WHAMM: variants seen among roughly 807,000 people sequenced by gnomAD.
WHAMM encodes WASP homolog associated with actin, golgi membranes and microtubules.
A neutral mutation model predicts 76.5 loss-of-function variants in WHAMM; 67 were observed. The ratio of observed to expected loss-of-function variants is 0.88; its 90% CI spans 0.72 to 1.07. The LOEUF is 1.07. Among genes scored for constraint, WHAMM ranks in the 50% least tolerant of loss-of-function variants. The pLI is 0.00. For synonymous variants in WHAMM, 419 were observed against 422.1 expected (o/e 0.99, Z 0.09); for missense variants, 1,021 against 1,051.1 (o/e 0.97, Z 0.40).
intron 3 of WHAMM, among the ~76,000 whole-genome samples, chr15:82,817,358 GT>G (rs1318698164): frequency 5.3e-5 from 8 of 152,218 alleles, no homozygotes; most frequent in African/African-American, 1.9e-4. Flanking sequence ...ACAGGCAGGG[GT>G]CAGACCATGC....
chr15:82,823,313 T>C (rs1445150333), intron 6 of WHAMM, 26 bp downstream of exon 6: 1 of 1,369,708 alleles, frequency 7.3e-7, no homozygotes, highest in Non-Finnish European at 9.5e-7. Context: ...GCGGCTTTCT[T>C]TTCTTTTCTC....
chr15:82,810,095 G>T lies in WHAMM; in HGVS notation c.369G>T (p.Gly123=). Residue 123 remains glycine, a synonymous_variant, in exon 1 of 10, where the codon GGG becomes GGT. Transcript: ENST00000286760. ...GCGGCGGCGGGGCCTGGGGTCTGGG[G>T]CTCGGGCTGTGGGCGCTGCTGTGGC... ...DVGGGGAWGL[G]LGLWALLWPT... The T allele has an allele frequency of 7.8e-7, 1 of 1,277,508 alleles. No individual in the cohort carries two copies. The highest frequency in any genetic ancestry group is 1.6e-5 in the African/African-American group (1 of 63,678). 79.1% of individuals were successfully genotyped at this position (1,277,508 alleles called of 1,614,324 possible). A position where few individuals can be genotyped will look rare whatever the true frequency, so the allele number is the denominator to read the frequency against.
At position 82,810,111 on chromosome 15, in the gene WHAMM, C is replaced by T. The variant is rs1164936346; in HGVS notation, c.385C>T (p.Leu129=). 1 of 1,329,902 alleles carries T rather than the reference C, an allele frequency of 7.5e-7. No individual in the cohort carries two copies. The highest frequency in any genetic ancestry group is 9.7e-7 in the Non-Finnish European group (1 of 1,034,724). 82.4% of individuals were successfully genotyped at this position (1,329,902 alleles called of 1,614,324 possible). ...AWGLGLGLWA[L]LWPTRAGPGE... is the part of the protein sequence containing the mutation. ...GGGTCTGGGGCTCGGGCTGTGGGCGCTGCTGTGGCCGACGCGCGCGGGTCC... is the reference window on the plus strand; with the variant it reads ...GGGTCTGGGGCTCGGGCTGTGGGCGTTGCTGTGGCCGACGCGCGCGGGTCC... Residue 129 remains leucine (L), a synonymous_variant, in exon 1 of 10, where the codon CTG becomes TTG. Coordinates refer to ENST00000286760, the MANE Select transcript of WHAMM (RefSeq NM_001080435.3).
At chr15:82,820,134 C>A (rs2050794833) in intron 5 of WHAMM, among the ~76,000 whole-genome samples, 1 of 151,914 alleles carries the variant, frequency 6.6e-6, no homozygotes, top group African/African-American at 2.4e-5. Context: ...AATATATAAC[C>A]AGTTCAGTAA....
Position 82,809,629 on chromosome 15 carries a change from TA to T in WHAMM, c.-97del. 1 of 1,105,814 alleles carries T rather than the reference TA, an allele frequency of 9.0e-7. No homozygotes were observed. Among genetic ancestry groups the T allele is most frequent in the Non-Finnish European group, 1.2e-6 (1 of 854,878 alleles). 68.5% of individuals were successfully genotyped at this position (1,105,814 alleles called of 1,614,324 possible). A position where few individuals can be genotyped will look rare whatever the true frequency, so the allele number is the denominator to read the frequency against. On this transcript the variant is annotated 5_prime_UTR_variant, in exon 1 of 10. Transcript: ENST00000286760. The stretch of plus-strand genomic sequence containing the variant: ...TGGGGCACTGACGCGGTTTCGATTC[TA>T]GCGAAAAATGATTTGGCTCGGACTG...
chr15:82,831,468 T>C (rs1312307365), intron 9 of WHAMM, among the ~76,000 whole-genome samples: 1 of 152,228 alleles, frequency 6.6e-6, no homozygotes, highest in Non-Finnish European at 1.5e-5. Flanking sequence ...CTGAGTCCTT[T>C]ATAGAATCCA....
chr15:82,823,808 C>T (rs1402401078), intron 6 of WHAMM, among the ~76,000 whole-genome samples: 6 of 152,136 alleles, frequency 3.9e-5, no homozygotes, highest in Admixed American at 2.0e-4. Flanking sequence ...TCAAGTGATC[C>T]GCCCACCTTG....
chr15:82,816,491 A>G (rs1179315956), intron 2 of WHAMM, among the ~76,000 whole-genome samples: 2 of 152,088 alleles, frequency 1.3e-5, no homozygotes, highest in African/African-American at 4.8e-5. Flanking sequence ...TTTATGCCCC[A>G]GAGTGTCCTT....
intron 7 of WHAMM, 27 bp downstream of exon 7, chr15:82,826,523 CTAT>C (rs1566997169): frequency 8.1e-6 from 13 of 1,607,114 alleles, no homozygotes; most frequent in Non-Finnish European, 1.1e-5. Context: ...GGAAAATGTT[CTAT>C]GTTTGTGTAG....
intron 3 of WHAMM, among the ~76,000 whole-genome samples, chr15:82,817,430 A>G (rs1348784161): frequency 4.6e-5 from 7 of 152,210 alleles, no homozygotes; most frequent in African/African-American, 1.4e-4. Flanking sequence ...TGATAAAAAC[A>G]CCAAGTAGGA....
intron 6 of WHAMM, among the ~76,000 whole-genome samples, chr15:82,825,680 C>T (rs1165597462): frequency 6.6e-6 from 1 of 151,696 alleles, no homozygotes; most frequent in Non-Finnish European, 1.5e-5. Context: ...CCCAGCTACT[C>T]GGGAGGCTGA....
intron 6 of WHAMM, among the ~76,000 whole-genome samples, chr15:82,824,714 C>T (rs1218568389): frequency 6.6e-6 from 1 of 152,230 alleles, no homozygotes; most frequent in Non-Finnish European, 1.5e-5. Context: ...AATCCACCTG[C>T]CTCAGCCTCC....
chr15:82,816,703 T>A lies in WHAMM; in HGVS notation c.795T>A (p.Asp265Glu), dbSNP rs757152458. The A allele has an allele frequency of 6.4e-7, 1 of 1,552,930 alleles. No homozygotes were observed. The highest frequency in any genetic ancestry group is 2.4e-5 in the East Asian group (1 of 41,732). Residue 265 changes from aspartate to glutamate, a missense_variant, in exon 3 of 10, where the codon GAT becomes GAA. Asp to Glu is a conservative substitution (Grantham distance 45, BLOSUM62 2). Transcript: ENST00000286760. ...CCTTCTGTCTGTAGAAGTCTTTGGA[T>A]GAGGATGACCTAGGTCCTAGAAGGG... The part of the protein sequence containing the change: ...LCKLDILKSL[D>E]EDDLGPRRVV...
intron 6 of WHAMM, 63 bp from the exon 7 acceptor site, chr15:82,826,347 A>T: frequency 3.2e-6 from 5 of 1,563,374 alleles, no homozygotes; most frequent in Admixed American, 1.7e-5. Flanking sequence ...TTTTCTTTTA[A>T]TCTTTTATGC....
chr15:82,828,560 G>C (rs1307308120), intron 8 of WHAMM, among the ~76,000 whole-genome samples: 1 of 152,166 alleles, frequency 6.6e-6, no homozygotes, highest in Non-Finnish European at 1.5e-5. Context: ...TGTGGAGGAA[G>C]GGATCCAAGG....
At chr15:82,813,006 G>A in intron 1 of WHAMM, 97 bp from the exon 2 acceptor site, 1 of 953,570 alleles carries the variant, frequency 1.0e-6, no homozygotes, top group Non-Finnish European at 1.5e-6. Flanking sequence ...TGTATTAAAA[G>A]TTGAGAACAT....
chr15:82,812,309 A>G (rs1327275833), intron 1 of WHAMM, among the ~76,000 whole-genome samples: 1 of 151,978 alleles, frequency 6.6e-6, no homozygotes, highest in African/African-American at 2.4e-5. Context: ...GCTTACTGCA[A>G]CCTCCGCCTC....
rs1039085539 is a variant in WHAMM, at chr15:82,836,021, GCTTT to G, written c.*2488_*2491del. ...CAGGCTAAAATAATTCTCAGAATTT[GCTTT>G]CTAAGGGCTGCCAAACACAAGAGGC... On this transcript the variant is annotated 3_prime_UTR_variant, in exon 10 of 10. Transcript: ENST00000286760. 5 of 152,212 alleles carry G rather than the reference GCTTT, an allele frequency of 3.3e-5. No homozygotes were observed. The highest frequency in any genetic ancestry group is 4.8e-5 in the African/African-American group (2 of 41,454). The allele number at this position is 152,212 out of a possible 1,614,324, so 9.4% of individuals were successfully genotyped here. A position where few individuals can be genotyped will look rare whatever the true frequency, so the allele number is the denominator to read the frequency against.
intron 1 of WHAMM, among the ~76,000 whole-genome samples, chr15:82,811,076 T>C (rs2151554889): frequency 6.6e-6 from 1 of 152,276 alleles, no homozygotes; most frequent in Non-Finnish European, 1.5e-5. Context: ...CTGAATGATT[T>C]TTTTCTGTGC....
Sources: gnomAD v4.1 joint callset for allele counts (sites outside exome capture counted in the v4.1 genomes callset) on GRCh38, gnomAD v4.1.1 for gene constraint, MANE v1.5 for transcripts, NCBI Gene and HGNC (gene_info 2026-07-23, HGNC 2026-07-21) for gene names.